The following GRID1 variants were observed in gnomAD, a reference collection of about 807,000 sequenced individuals.
GRID1 encodes glutamate ionotropic receptor delta type subunit 1.
Under a neutral mutation model 98.0 loss-of-function variants are expected in GRID1, and 28 were observed. The ratio of observed to expected loss-of-function variants is 0.29; its 90% CI spans 0.21 to 0.39. The LOEUF (loss-of-function observed/expected upper bound fraction) is 0.39, where lower values mean the gene tolerates loss of function less well. GRID1 is among the 10% of genes least tolerant of loss of function. The probability of loss-of-function intolerance (pLI) is 1.00; values close to 1 mark genes in which losing one functional copy is unlikely to be tolerated. For synonymous variants in GRID1, 553 were observed against 538.5 expected (o/e 1.03, Z -0.37); for missense variants, 1,111 against 1,340.5 (o/e 0.83, Z 2.67).
chr10:86,276,594 T>C (rs1589434795), intron 2 of GRID1, among the ~76,000 whole-genome samples: 1 of 151,768 alleles, frequency 6.6e-6, no homozygotes, highest in African/African-American at 2.4e-5. Flanking sequence ...CCTCTGCCTC[T>C]TGGGTTCAAG....
intron 8 of GRID1, among the ~76,000 whole-genome samples, chr10:85,737,465 G>A (rs1841894281): frequency 6.6e-6 from 1 of 151,548 alleles, no homozygotes; most frequent in African/African-American, 2.4e-5. Flanking sequence ...CTACCTTAAA[G>A]CCCAGGCCAC....
chr10:86,065,066 A>C (rs1843699856), intron 4 of GRID1, among the ~76,000 whole-genome samples: 1 of 152,170 alleles, frequency 6.6e-6, no homozygotes, highest in Non-Finnish European at 1.5e-5. Flanking sequence ...CACGGGGTGC[A>C]TGCTTCCCAC....
intron 2 of GRID1, among the ~76,000 whole-genome samples, chr10:86,356,385 C>T (rs1405300862): frequency 6.6e-6 from 1 of 152,236 alleles, no homozygotes; most frequent in Non-Finnish European, 1.5e-5. Context: ...AATTCTGTTG[C>T]TCACCAGTTG....
At chr10:86,186,012 T>C (rs1845721104) in intron 3 of GRID1, among the ~76,000 whole-genome samples, 1 of 152,214 alleles carries the variant, frequency 6.6e-6, no homozygotes, top group Non-Finnish European at 1.5e-5. Context: ...CTCTTAAATA[T>C]TTGGCAGAAT....
At chr10:86,222,383 C>G (rs1846269532) in intron 2 of GRID1, among the ~76,000 whole-genome samples, 2 of 152,198 alleles carry the variant, frequency 1.3e-5, no homozygotes, top group Non-Finnish European at 2.9e-5. Context: ...TAGCTGCCCT[C>G]AGAGCCTTGA....
intron 8 of GRID1, among the ~76,000 whole-genome samples, chr10:85,806,017 GA>G: frequency 6.6e-6 from 1 of 151,170 alleles, no homozygotes; most frequent in South Asian, 2.1e-4. Context: ...GTCCATTAAG[GA>G]AAAGACAAGC....
chr10:85,973,443 T>A (rs1031811945), intron 4 of GRID1, among the ~76,000 whole-genome samples: 14 of 152,210 alleles, frequency 9.2e-5, no homozygotes, highest in African/African-American at 3.4e-4. Context: ...TCCATGGTAT[T>A]TGATTCCTCC....
intron 3 of GRID1, among the ~76,000 whole-genome samples, chr10:86,153,874 G>A (rs1279074022): frequency 2.6e-5 from 4 of 152,128 alleles, no homozygotes; most frequent in Non-Finnish European, 5.9e-5. Context: ...GATTACAAAT[G>A]GGATGTAGGG....
chr10:85,661,479 T>C (rs1323702366), intron 12 of GRID1, among the ~76,000 whole-genome samples: 1 of 152,226 alleles, frequency 6.6e-6, no homozygotes, highest in East Asian at 1.9e-4. Flanking sequence ...CTGTTGAGAC[T>C]CAGAGCTACC....
At chr10:86,083,544 G>T (rs143377084) in intron 4 of GRID1, among the ~76,000 whole-genome samples, 1 of 152,328 alleles carries the variant, frequency 6.6e-6, no homozygotes, top group East Asian at 1.9e-4. Flanking sequence ...GACATTGCAC[G>T]AAGCGATGGG....
chr10:86,015,441 C>A (rs553427881), intron 4 of GRID1, among the ~76,000 whole-genome samples: 1 of 152,352 alleles, frequency 6.6e-6, no homozygotes, highest in South Asian at 2.1e-4. Flanking sequence ...GCTCTGGCAG[C>A]TATGGCAAAA....
At chr10:86,221,908 C>CTCCTCT (rs912482066) in intron 2 of GRID1, among the ~76,000 whole-genome samples, 1 of 152,028 alleles carries the variant, frequency 6.6e-6, no homozygotes, top group Non-Finnish European at 1.5e-5. Flanking sequence ...TCTCCTCCTC[C>CTCCTCT]TCCTCCTCCT....
At chr10:86,323,351 G>A (rs1029481759) in intron 2 of GRID1, among the ~76,000 whole-genome samples, 2 of 152,210 alleles carry the variant, frequency 1.3e-5, no homozygotes, top group African/African-American at 4.8e-5. Context: ...TATGTATAAA[G>A]CACTGGTGCA....
intron 12 of GRID1, among the ~76,000 whole-genome samples, chr10:85,693,315 G>T (rs558003892): frequency 3.3e-4 from 50 of 152,070 alleles, no homozygotes; most frequent in Non-Finnish European, 6.5e-4. Flanking sequence ...GAGACGGAGA[G>T]TGAGATACAT....
At chr10:85,703,729 C>T (rs908412773) in intron 12 of GRID1, among the ~76,000 whole-genome samples, 1 of 152,002 alleles carries the variant, frequency 6.6e-6, no homozygotes, top group African/African-American at 2.4e-5. Flanking sequence ...GAATGCTAAA[C>T]ACCATAAAAA....
chr10:85,769,171 G>A (rs933391047), intron 8 of GRID1, among the ~76,000 whole-genome samples: 2 of 152,218 alleles, frequency 1.3e-5, no homozygotes, highest in Non-Finnish European at 2.9e-5. Flanking sequence ...GGAATATTAT[G>A]CAGCCATAAA....
At chr10:86,262,785 G>T (rs1346766837) in intron 2 of GRID1, among the ~76,000 whole-genome samples, 2 of 152,138 alleles carry the variant, frequency 1.3e-5, no homozygotes, top group Non-Finnish European at 2.9e-5. Flanking sequence ...TTCCAACCCC[G>T]ATTCTGCCAG....
At chr10:85,858,167 TC>T (rs1172243376) in intron 6 of GRID1, among the ~76,000 whole-genome samples, 4 of 152,218 alleles carry the variant, frequency 2.6e-5, no homozygotes, top group African/African-American at 9.6e-5. Context: ...GTCCCCCAGC[TC>T]TGACCATTGT....
intron 2 of GRID1, among the ~76,000 whole-genome samples, chr10:86,360,687 C>A (rs1848588907): frequency 6.6e-6 from 1 of 152,208 alleles, no homozygotes; most frequent in Non-Finnish European, 1.5e-5. Context: ...ACACCCACCG[C>A]AGGCCTTATG....
Sources: allele counts gnomAD v4.1 joint callset (sites outside exome capture counted in the v4.1 genomes callset), GRCh38; gene constraint gnomAD v4.1.1; transcripts MANE v1.5; gene names NCBI Gene and HGNC (gene_info 2026-07-23, HGNC 2026-07-21).